The following TNRC18 variants were observed in gnomAD, a reference collection of about 807,000 sequenced individuals.
TNRC18 encodes trinucleotide repeat-containing gene 18 protein.
TNRC18 carries 69 observed loss-of-function variants against 226.7 expected under a neutral mutation model. The observed-to-expected ratio is 0.30, with a 90% CI of 0.25 to 0.37. The LOEUF (loss-of-function observed/expected upper bound fraction) is 0.37. TNRC18 is among the 10% of genes least tolerant of loss of function. The pLI, the probability that TNRC18 is intolerant of heterozygous loss-of-function variation, is 1.00. For missense variants in TNRC18, 4,754 were observed against 4,256.6 expected, an observed-to-expected ratio of 1.12 and a Z score of -3.25; for synonymous variants, 2,449 against 1,927.6, an observed-to-expected ratio of 1.27 and a Z score of -7.09.
intron 18 of TNRC18, among the ~76,000 whole-genome samples, chr7:5,337,678 T>C (rs1162411316): frequency 9.2e-5 from 14 of 152,102 alleles, no homozygotes; most frequent in Admixed American, 9.2e-4. Context: ...TTATAAGCCA[T>C]TTAAATGATT....
chr7:5,407,160 C>G (rs1234647605), intron 2 of TNRC18: 4 of 152,364 alleles, frequency 2.6e-5, no homozygotes, highest in African/African-American at 9.6e-5. Flanking sequence ...CCTGCACGTC[C>G]TTGGCACTGC....
At chr7:5,343,014 T>C (rs1790831503) in intron 18 of TNRC18, among the ~76,000 whole-genome samples, 1 of 152,190 alleles carries the variant, frequency 6.6e-6, no homozygotes, top group Non-Finnish European at 1.5e-5. Flanking sequence ...GTTAGCGTTT[T>C]TGGCAATACA....
intron 2 of TNRC18, among the ~76,000 whole-genome samples, chr7:5,399,007 C>T (rs1179408165): frequency 6.6e-6 from 1 of 152,178 alleles, no homozygotes; most frequent in African/African-American, 2.4e-5. Flanking sequence ...TCCCGCAACT[C>T]ACAAAAGAGG....
At chr7:5,328,712 A>G (rs1427335755) in intron 19 of TNRC18, among the ~76,000 whole-genome samples, 1 of 151,594 alleles carries the variant, frequency 6.6e-6, no homozygotes, top group Non-Finnish European at 1.5e-5. Context: ...GGGTTTCACC[A>G]TATTGGCTAG....
chr7:5,389,471 T>TTTTTTTTTTTTTTG (rs549108764), intron 4 of TNRC18, 135 bp from the exon 5 acceptor site: 1 of 831,196 alleles, frequency 1.2e-6, no homozygotes, highest in African/African-American at 2.0e-5. Flanking sequence ...GTTTTTTTTT[T>TTTTTTTTTTTTTTG]CAGAAAGAGT....
chr7:5,321,089 C>T lies in TNRC18; in HGVS notation c.6544G>A (p.Val2182Met). 1.9e-6 allele frequency: 3 copies of T among 1,549,370 alleles called. No homozygotes were observed. The highest frequency in any genetic ancestry group is 2.6e-6 in the Non-Finnish European group (3 of 1,146,272). ...CCCACTCACATGTCTGGCGAGTGCA[C>T]GGTCTGCACGTGCCCGGCGTACAGC... is the stretch of plus-strand genomic sequence containing the variant. ...KLLYAGHVQT[V>M]HSPDIYRVVV... Residue 2182 changes from valine to methionine, a missense_variant, in exon 22 of 30, where the codon GTG becomes ATG. Transcript: ENST00000430969.
At position 5,377,664 on chromosome 7, in the gene TNRC18, C is replaced by T. The variant is rs1779090798; in HGVS notation, c.2256-88G>A. ...CGGGGTTGCCCCAAGGAACTGTTTG[C>T]CACCAGGCCATGAGTCAGGACAACC... On this transcript the variant is annotated intron_variant, in intron 6 of 29. Coordinates refer to ENST00000430969, the MANE Select transcript of TNRC18 (RefSeq NM_001080495.3). This position sits in a 1 kb window ranked among gnomAD's most constrained non-coding sequence, Gnocchi z 5.8. 3 of 1,372,972 alleles carry T rather than the reference C, an allele frequency of 2.2e-6. No homozygotes were observed. In the Admixed American group the frequency reaches 6.6e-5, roughly 30 times the overall value. The allele number at this position is 1,372,972 out of a possible 1,614,324, so 85.0% of individuals were successfully genotyped here.
intron 17 of TNRC18, among the ~76,000 whole-genome samples, chr7:5,346,600 G>A (rs1050081830): frequency 1.3e-5 from 2 of 152,222 alleles, no homozygotes; most frequent in East Asian, 1.9e-4. Context: ...CTTGAGCCCA[G>A]GAGTTCCAGA....
chr7:5,390,429 C>T, intron 4 of TNRC18, 56 bp downstream of exon 4: 2 of 1,605,780 alleles, frequency 1.2e-6, no homozygotes, highest in Non-Finnish European at 1.7e-6. Context: ...GCCAAAGGCC[C>T]CAGAAGCCTC....
intron 18 of TNRC18, among the ~76,000 whole-genome samples, chr7:5,334,924 C>T (rs535223026): frequency 6.6e-6 from 1 of 152,082 alleles, no homozygotes; most frequent in South Asian, 2.1e-4. Flanking sequence ...GAAGGTGGGG[C>T]CCACATAGAA....
chr7:5,315,945 T>C lies in TNRC18; in HGVS notation c.6862+11A>G. The C allele has an allele frequency of 6.4e-7, 1 of 1,555,954 alleles. No individual in the cohort carries two copies. Among genetic ancestry groups the C allele is most frequent in the African/African-American group, 1.4e-5 (1 of 71,040 alleles). ...TGGCAGGAGACCGGGTGTCATGAGC[T>C]TGTCACTTACACTGTATCTTATAGT... On this transcript the variant is annotated intron_variant, in intron 25 of 29. Coordinates refer to ENST00000430969, the MANE Select transcript of TNRC18 (RefSeq NM_001080495.3).
At chr7:5,335,300 T>TGAAAA (rs1562508489) in intron 18 of TNRC18, among the ~76,000 whole-genome samples, 17 of 10,626 alleles carry the variant, frequency 1.6e-3, no homozygotes, top group African/African-American at 2.9e-3. Flanking sequence ...AGAATCTGTC[T>TGAAAA]CAAAAAAAAA....
At chr7:5,335,311 A>AAAAAT (rs1789984728) in intron 18 of TNRC18, among the ~76,000 whole-genome samples, 1 of 149,502 alleles carries the variant, frequency 6.7e-6, no homozygotes, top group Non-Finnish European at 1.5e-5. Flanking sequence ...CAAAAAAAAA[A>AAAAAT]AAAAAAAAAA....
chr7:5,310,933 CGTGTGTGCACGTGTTTGT>C (rs1439344946), intron 27 of TNRC18, among the ~76,000 whole-genome samples: 2 of 151,996 alleles, frequency 1.3e-5, no homozygotes, highest in Admixed American at 6.5e-5. Flanking sequence ...TGCACGTGTT[CGTGTGTGCACGTGTTTGT>C]GTGTGTGCAC....
chr7:5,406,169 A>T (rs1481734495), intron 2 of TNRC18, among the ~76,000 whole-genome samples: 1 of 152,192 alleles, frequency 6.6e-6, no homozygotes, highest in Non-Finnish European at 1.5e-5. Context: ...CCAGACATAA[A>T]CAACAAATAC....
In TNRC18 at chr7:5,309,463, G is replaced by T; in HGVS notation, c.8389-95C>A. On this transcript the variant is annotated intron_variant, in intron 27 of 29. Transcript: ENST00000430969. The surrounding 1 kb of genome is among the most constrained non-coding windows in gnomAD (Gnocchi z 5.7). ...TGCCGCTTGGGACTCTGGGCCCTCG[G>T]CCTCTAAATCAACCCCTATCCAACT... 1.8e-6 allele frequency: 2 copies of T among 1,124,620 alleles called. No homozygotes were observed. The highest frequency in any genetic ancestry group is 2.5e-6 in the Non-Finnish European group (2 of 792,120). The allele number at this position is 1,124,620 out of a possible 1,614,324, so 69.7% of individuals were successfully genotyped here.
At chr7:5,317,213 G>A (rs1409772630) in intron 24 of TNRC18, among the ~76,000 whole-genome samples, 1 of 151,964 alleles carries the variant, frequency 6.6e-6, no homozygotes, top group Non-Finnish European at 1.5e-5. Flanking sequence ...GTCCCCAGAC[G>A]CCTAAGGAGT....
At chr7:5,398,171 A>T (rs1321656739) in intron 2 of TNRC18, among the ~76,000 whole-genome samples, 2 of 143,392 alleles carry the variant, frequency 1.4e-5, no homozygotes, top group East Asian at 2.0e-4. Context: ...CAGCAAAAAA[A>T]AATTTTTTTT....
chr7:5,375,113 T>G (rs1025487847), intron 9 of TNRC18, among the ~76,000 whole-genome samples: 6 of 151,966 alleles, frequency 3.9e-5, no homozygotes, highest in African/African-American at 1.2e-4. Flanking sequence ...AAGACCAGCC[T>G]GGCCAACATG....
Sources: allele counts gnomAD v4.1 joint callset (sites outside exome capture counted in the v4.1 genomes callset), GRCh38; gene constraint gnomAD v4.1.1; non-coding constraint Gnocchi (gnomAD v3.1); transcripts MANE v1.5; gene names NCBI Gene and HGNC (gene_info 2026-07-23, HGNC 2026-07-21).